The following ZDHHC14 variants were observed in gnomAD, a reference collection of about 807,000 sequenced individuals.
ZDHHC14 encodes palmitoyltransferase ZDHHC14.
In ZDHHC14, 16 loss-of-function variants were observed where a neutral mutation model predicts 47.7. That is an observed-to-expected ratio of 0.34 (90% confidence interval 0.23 to 0.51). ZDHHC14 has a LOEUF of 0.51. Among genes scored for constraint, ZDHHC14 ranks in the 20% least tolerant of loss-of-function variants. The pLI, the probability that ZDHHC14 is intolerant of heterozygous loss-of-function variation, is 0.97. For synonymous variants in ZDHHC14, 293 were observed against 278.9 expected (o/e 1.05, Z -0.50); for missense variants, 515 against 662.5 (o/e 0.78, Z 2.44).
chr6:157,389,811 T>C (rs936587660), intron 1 of ZDHHC14, among the ~76,000 whole-genome samples: 2 of 152,190 alleles, frequency 1.3e-5, no homozygotes, highest in African/African-American at 4.8e-5. Flanking sequence ...TACATCCATA[T>C]ATGCTATAAA....
chr6:157,561,931 AACGCAGAATAC>A (rs1782723261), intron 2 of ZDHHC14, among the ~76,000 whole-genome samples: 1 of 152,148 alleles, frequency 6.6e-6, no homozygotes, highest in Non-Finnish European at 1.5e-5. Context: ...TTAAAAGTTA[AACGCAGAATAC>A]ATAGATGTTC....
chr6:157,594,984 G>A (rs539735794), intron 3 of ZDHHC14, among the ~76,000 whole-genome samples: 65 of 152,062 alleles, frequency 4.3e-4, no homozygotes, highest in Non-Finnish European at 7.9e-4. Flanking sequence ...CTGTCATTCT[G>A]CATGCCTTCT....
intron 1 of ZDHHC14, among the ~76,000 whole-genome samples, chr6:157,514,933 G>T (rs566379001): frequency 1.3e-5 from 2 of 152,216 alleles, no homozygotes; most frequent in Non-Finnish European, 2.9e-5. Flanking sequence ...CAGGTCCGGA[G>T]ACTCAGTGTT....
chr6:157,510,923 T>A (rs1257233832), intron 1 of ZDHHC14, among the ~76,000 whole-genome samples: 3 of 152,232 alleles, frequency 2.0e-5, no homozygotes, highest in Admixed American at 2.0e-4. Flanking sequence ...CTGCCCATGT[T>A]TTTGCCCATG....
chr6:157,397,771 G>A (rs1452288884), intron 1 of ZDHHC14, among the ~76,000 whole-genome samples: 2 of 152,234 alleles, frequency 1.3e-5, no homozygotes, highest in South Asian at 2.1e-4. Flanking sequence ...AGCTGGACTT[G>A]AACTTCTGAA....
rs1053331784 is a variant in ZDHHC14 at position 157,540,775 on chromosome 6, C to G, written c.246-1810C>G. Among the ~76,000 whole-genome samples the G allele has an allele frequency of 8.0e-5, 12 of 149,402 alleles. 1 individual carries two copies. In the East Asian group the frequency reaches 1.9e-3, roughly 24 times the overall value. On this transcript the variant is annotated intron_variant, in intron 1 of 8. Coordinates refer to ENST00000359775, the MANE Select transcript of ZDHHC14 (RefSeq NM_024630.3). Reference sequence around the variant, plus strand: ...GAAAATTCTTTTCTACACAGTTGCTCTTTTCCCTAACCATTTTGTAACAAA... The same window carrying G: ...GAAAATTCTTTTCTACACAGTTGCTGTTTTCCCTAACCATTTTGTAACAAA...
chr6:157,674,964 C>T lies in ZDHHC14; in HGVS notation c.*1842C>T, dbSNP rs148402579. ...TGTGTAATTCATGGGGCAGTGCCCT[C>T]CTTACACAACCGCACACGCTCACAG... On this transcript the variant is annotated 3_prime_UTR_variant, in exon 9 of 9. Coordinates refer to ENST00000359775, the MANE Select transcript of ZDHHC14 (RefSeq NM_024630.3). 1 of 152,374 alleles carries T rather than the reference C, an allele frequency of 6.6e-6. No homozygotes were observed. The highest frequency in any genetic ancestry group is 1.5e-5 in the Non-Finnish European group (1 of 68,046). 9.4% of individuals were successfully genotyped at this position (152,374 alleles called of 1,614,324 possible). A position where few individuals can be genotyped will look rare whatever the true frequency, so the allele number is the denominator to read the frequency against.
chr6:157,440,083 T>A (rs1398222132), intron 1 of ZDHHC14, among the ~76,000 whole-genome samples: 1 of 152,046 alleles, frequency 6.6e-6, no homozygotes, highest in African/African-American at 2.4e-5. Context: ...GGTGATAGGT[T>A]GATCTGTGCA....
In ZDHHC14 at chr6:157,675,695, C is replaced by T. The variant is rs1778959504; in HGVS notation, c.*2573C>T. 6.6e-6 allele frequency: 1 copy of T among 152,212 alleles called. No individual in the cohort carries two copies. Among genetic ancestry groups the T allele is most frequent in the African/African-American group, 2.4e-5 (1 of 41,452 alleles). 9.4% of individuals were successfully genotyped at this position (152,212 alleles called of 1,614,324 possible). On this transcript the variant is annotated 3_prime_UTR_variant, in exon 9 of 9. Coordinates refer to ENST00000359775, the MANE Select transcript of ZDHHC14 (RefSeq NM_024630.3). ...AGGAGGGATGGTCGGAGGGGCAGCT[C>T]ACCTGGCGAGGTGATGGCTCTGCAT...
rs561531326 is a variant in ZDHHC14, at chr6:157,547,327, A to G, written c.406+4582A>G. Among the ~76,000 whole-genome samples the G allele has an allele frequency of 2.6e-5, 4 of 152,196 alleles. No individual in the cohort carries two copies. In the East Asian group the frequency reaches 7.7e-4, roughly 29 times the overall value. On this transcript the variant is annotated intron_variant, in intron 2 of 8. Coordinates refer to ENST00000359775, the MANE Select transcript of ZDHHC14 (RefSeq NM_024630.3). ...CTAAGAGTAAAGCTTATCTTTTGTT[A>G]TTTCCTAAATTAATCCTTGAAAGAG...
chr6:157,509,064 G>A (rs919495434), intron 1 of ZDHHC14, among the ~76,000 whole-genome samples: 3 of 152,148 alleles, frequency 2.0e-5, no homozygotes, highest in South Asian at 2.1e-4. Context: ...TCCTTGGCTC[G>A]TGGCTCCTTT....
At chr6:157,419,155 C>T (rs62422846) in intron 1 of ZDHHC14, among the ~76,000 whole-genome samples, 106,269 of 151,992 alleles carry the variant, frequency 0.7, 38,821 homozygotes, top group Middle Eastern at 0.89. Flanking sequence ...CTGCTGTCTT[C>T]CTCCTGAGGT....
At chr6:157,573,927 C>G (rs1438361719) in intron 2 of ZDHHC14, among the ~76,000 whole-genome samples, 1 of 151,604 alleles carries the variant, frequency 6.6e-6, no homozygotes, top group Non-Finnish European at 1.5e-5. Flanking sequence ...CTCAAGCATG[C>G]TGGGGAACGC....
At chr6:157,429,641 G>C (rs1392084771) in intron 1 of ZDHHC14, among the ~76,000 whole-genome samples, 1 of 151,598 alleles carries the variant, frequency 6.6e-6, no homozygotes, top group African/African-American at 2.4e-5. Flanking sequence ...AGGAAGGAGA[G>C]CAAGGAGGAA....
chr6:157,655,942 C>G (rs1014554336), intron 8 of ZDHHC14, among the ~76,000 whole-genome samples: 2 of 152,220 alleles, frequency 1.3e-5, no homozygotes, highest in East Asian at 1.9e-4. Context: ...TAATGGTGCT[C>G]TCACCAGGAA....
rs1025887077 is a variant in ZDHHC14 at position 157,458,901 on chromosome 6, C to G, written c.245+76635C>G. Reference sequence around the variant, plus strand: ...CGGAGTTTCGCTCTTGTTGCCCATGCTGGAGTGCAGTGGCATTATCTCGGC... The same window carrying G: ...CGGAGTTTCGCTCTTGTTGCCCATGGTGGAGTGCAGTGGCATTATCTCGGC... On this transcript the variant is annotated intron_variant, in intron 1 of 8. Coordinates refer to ENST00000359775, the MANE Select transcript of ZDHHC14 (RefSeq NM_024630.3). Among the ~76,000 whole-genome samples the G allele has an allele frequency of 2.7e-5, 3 of 112,912 alleles. No individual in the cohort carries two copies. The East Asian group carries it at 8.8e-4, about 33-fold the overall frequency. 74.1% of individuals were successfully genotyped at this position (112,912 alleles called of 152,430 possible). A position where few individuals can be genotyped will look rare whatever the true frequency, so the allele number is the denominator to read the frequency against.
intron 1 of ZDHHC14, among the ~76,000 whole-genome samples, chr6:157,519,683 G>C (rs1780844965): frequency 6.6e-6 from 1 of 152,170 alleles, no homozygotes; most frequent in Non-Finnish European, 1.5e-5. Flanking sequence ...AGAGCTGTGT[G>C]GTCCAGAGCA....
At chr6:157,534,877 G>C (rs910443255) in intron 1 of ZDHHC14, among the ~76,000 whole-genome samples, 6 of 152,016 alleles carry the variant, frequency 3.9e-5, no homozygotes, top group African/African-American at 1.4e-4. Context: ...AGGCACTCCC[G>C]GCCTCTTCCT....
intron 1 of ZDHHC14, among the ~76,000 whole-genome samples, chr6:157,485,817 C>A (rs1779764201): frequency 6.6e-6 from 1 of 152,054 alleles, no homozygotes; most frequent in South Asian, 2.1e-4. Flanking sequence ...TCAACACCAG[C>A]CTGGCCAACA....
Sources: allele counts gnomAD v4.1 joint callset (sites outside exome capture counted in the v4.1 genomes callset), GRCh38; gene constraint gnomAD v4.1.1; transcripts MANE v1.5; gene names NCBI Gene and HGNC (gene_info 2026-07-23, HGNC 2026-07-21).